PKNOX1: variants seen among roughly 807,000 people sequenced by gnomAD.
PKNOX1 encodes PBX/knotted 1 homeobox 1, also known as homeobox protein PKNOX1.
A neutral mutation model predicts 51.9 loss-of-function variants in PKNOX1; 15 were observed. The ratio of observed to expected loss-of-function variants is 0.29; its 90% confidence interval spans 0.19 to 0.45. The LOEUF is 0.45. Among genes scored for constraint, PKNOX1 ranks in the 20% least tolerant of loss-of-function variants. The pLI is 1.00. For synonymous variants in PKNOX1, 219 were observed against 211.1 expected, an observed-to-expected ratio of 1.04 and a Z score of -0.32; for missense variants, 462 against 547.5, an observed-to-expected ratio of 0.84 and a Z score of 1.56.
chr21:42,981,019 C>T (rs1244454928), intron 1 of PKNOX1, among the ~76,000 whole-genome samples: 1 of 152,166 alleles, frequency 6.6e-6, no homozygotes, highest in Non-Finnish European at 1.5e-5. Context: ...AAAAACGGCA[C>T]AGATAGGGGA....
chr21:42,982,315 A>C (rs1039983780), intron 1 of PKNOX1, among the ~76,000 whole-genome samples: 1 of 152,224 alleles, frequency 6.6e-6, no homozygotes, highest in African/African-American at 2.4e-5. Context: ...CTATGATCAC[A>C]GTTTCCAGAA....
intron 1 of PKNOX1, among the ~76,000 whole-genome samples, chr21:42,998,343 A>G (rs960165311): frequency 6.6e-6 from 1 of 151,954 alleles, no homozygotes; most frequent in Non-Finnish European, 1.5e-5. Context: ...CTCCCATAAC[A>G]TGTGGGAATT....
chr21:43,024,678 A>C, intron 8 of PKNOX1, 193 bp from the exon 9 acceptor site: 1 of 571,662 alleles, frequency 1.7e-6, no homozygotes, highest in Non-Finnish European at 3.1e-6. Flanking sequence ...CTAACCAGCC[A>C]CTGCAGCACT....
At chr21:42,987,396 A>ATATATATAT (rs1477132985) in intron 1 of PKNOX1, among the ~76,000 whole-genome samples, 2 of 94,100 alleles carry the variant, frequency 2.1e-5, no homozygotes, top group Admixed American at 1.0e-4. Context: ...AAAAAAAAAA[A>ATATATATAT]AAAAAAAAAT....
At chr21:42,997,968 G>A (rs142546183) in intron 1 of PKNOX1, among the ~76,000 whole-genome samples, 1 of 152,314 alleles carries the variant, frequency 6.6e-6, no homozygotes, top group African/African-American at 2.4e-5. Flanking sequence ...TTTTAAGCAT[G>A]TGAGTCACAT....
At position 43,033,340 on chromosome 21, in the gene PKNOX1, T is replaced by C. The variant is rs571087725; in HGVS notation, c.*3239T>C. Reference sequence around the variant, plus strand: ...GTGAGGTAGCAGTGGGCACTTTTCATTGAGACAAACTCCAGGGTGTCCAGA... The same window carrying C: ...GTGAGGTAGCAGTGGGCACTTTTCACTGAGACAAACTCCAGGGTGTCCAGA... On this transcript the variant is annotated 3_prime_UTR_variant, in exon 11 of 11. Transcript: ENST00000291547. The C allele has an allele frequency of 1.3e-5, 2 of 152,734 alleles. No individual in the cohort carries two copies. The highest frequency in any genetic ancestry group is 2.1e-4 in the South Asian group (1 of 4,832). 9.5% of individuals were successfully genotyped at this position (152,734 alleles called of 1,614,324 possible). A position where few individuals can be genotyped will look rare whatever the true frequency, so the allele number is the denominator to read the frequency against.
At chr21:43,029,543 T>C (rs1980150512) in intron 10 of PKNOX1, among the ~76,000 whole-genome samples, 1 of 148,108 alleles carries the variant, frequency 6.8e-6, no homozygotes, top group African/African-American at 2.5e-5. Context: ...TTCTCCTGCC[T>C]CAGCCTCCCG....
In PKNOX1 at chr21:43,033,871, T is replaced by C. The variant is rs1980383369; in HGVS notation, c.*3770T>C. 1 of 152,232 alleles carries C rather than the reference T, an allele frequency of 6.6e-6. No individual in the cohort carries two copies. The highest frequency in any genetic ancestry group is 2.4e-5 in the African/African-American group (1 of 41,462). 9.4% of individuals were successfully genotyped at this position (152,232 alleles called of 1,614,324 possible). On this transcript the variant is annotated 3_prime_UTR_variant, in exon 11 of 11. Coordinates refer to ENST00000291547, the MANE Select transcript of PKNOX1 (RefSeq NM_004571.5). ...TTTTCCACAAATCTAATTATTTTGA[T>C]AGTTACAAGAAGATAATGATTCATC...
At chr21:42,989,413 T>A (rs1005140659) in intron 1 of PKNOX1, among the ~76,000 whole-genome samples, 1 of 152,180 alleles carries the variant, frequency 6.6e-6, no homozygotes, top group Non-Finnish European at 1.5e-5. Flanking sequence ...TGTATGTTTC[T>A]GTTTCAATTT....
chr21:42,987,404 A>AAAAAAAAT, intron 1 of PKNOX1, among the ~76,000 whole-genome samples: 1 of 41,418 alleles, frequency 2.4e-5, no homozygotes, highest in Non-Finnish European at 4.8e-5. Flanking sequence ...AAAAAAAAAA[A>AAAAAAAAT]ATATATATAT....
chr21:43,020,079 G>A (rs989469432), intron 7 of PKNOX1, among the ~76,000 whole-genome samples: 4 of 152,042 alleles, frequency 2.6e-5, no homozygotes, highest in East Asian at 1.9e-4. Flanking sequence ...CTACAGGCAT[G>A]TGCCACCTTG....
intron 1 of PKNOX1, among the ~76,000 whole-genome samples, chr21:42,976,890 A>T (rs2059000192): frequency 6.6e-6 from 1 of 152,252 alleles, no homozygotes; most frequent in Non-Finnish European, 1.5e-5. Context: ...GCGAGGAATC[A>T]CTACCACAGC....
rs1378972477 is a variant in PKNOX1 at position 42,995,362 on chromosome 21, CATT to C, written c.-56-8963_-56-8961del. 2.6e-5 allele frequency among the ~76,000 whole-genome samples: 4 copies of C among 152,108 alleles called. No homozygotes were observed. The East Asian group carries it at 5.8e-4, about 22-fold the overall frequency. ...GTAGAGTGTATCCTTTTCATTGCAT[CATT>C]GTTTTCCCTTTGTAATTAATAAGTG... On this transcript the variant is annotated intron_variant, in intron 1 of 10. Coordinates refer to ENST00000291547, the MANE Select transcript of PKNOX1 (RefSeq NM_004571.5).
At chr21:42,975,638 C>T (rs896713121) in intron 1 of PKNOX1, among the ~76,000 whole-genome samples, 3 of 152,234 alleles carry the variant, frequency 2.0e-5, no homozygotes, top group Non-Finnish European at 2.9e-5. Context: ...TTAGGGCCTC[C>T]GTTCCGATGG....
intron 5 of PKNOX1, 138 bp from the exon 6 acceptor site, chr21:43,016,770 G>A (rs1028479847): frequency 3.0e-5 from 17 of 566,704 alleles, no homozygotes; most frequent in Admixed American, 6.2e-5. Flanking sequence ...TTCTGAAGCC[G>A]CGTCATCTGA....
intron 9 of PKNOX1, among the ~76,000 whole-genome samples, chr21:43,027,113 T>C (rs1435744483): frequency 6.6e-6 from 1 of 152,158 alleles, no homozygotes; most frequent in East Asian, 1.9e-4. Context: ...TGAACATGGC[T>C]ACTCAGCTAT....
At chr21:42,986,460 C>A (rs1160694036) in intron 1 of PKNOX1, among the ~76,000 whole-genome samples, 1 of 152,108 alleles carries the variant, frequency 6.6e-6, no homozygotes, top group East Asian at 1.9e-4. Context: ...GAGATCATGC[C>A]ATTGCACTCC....
intron 1 of PKNOX1, among the ~76,000 whole-genome samples, chr21:42,976,906 C>T (rs982921675): frequency 1.3e-5 from 2 of 152,174 alleles, no homozygotes; most frequent in Non-Finnish European, 2.9e-5. Context: ...ACAGCTATAG[C>T]CTTACAAAAT....
intron 1 of PKNOX1, among the ~76,000 whole-genome samples, chr21:42,997,872 G>A (rs899281530): frequency 3.9e-5 from 6 of 152,168 alleles, no homozygotes; most frequent in East Asian, 1.9e-4. Context: ...TAAATGTGGC[G>A]ATTGGTTTGT....
Sources: gnomAD v4.1 joint callset for allele counts (sites outside exome capture counted in the v4.1 genomes callset) on GRCh38, gnomAD v4.1.1 for gene constraint, MANE v1.5 for transcripts, NCBI Gene and HGNC (gene_info 2026-07-23, HGNC 2026-07-21) for gene names.